The following TENM2 variants were observed in gnomAD, a reference collection of about 807,000 sequenced individuals.
The protein encoded by TENM2 is teneurin-2.
In TENM2, 52 loss-of-function variants were observed where a neutral mutation model predicts 245.2. That is an observed-to-expected ratio of 0.21 (90% CI 0.17 to 0.27). The LOEUF is 0.27. Among genes scored for constraint, TENM2 ranks in the 10% least tolerant of loss-of-function variants. The pLI is 1.00. For synonymous variants in TENM2, 1,363 were observed against 1,438.9 expected, an observed-to-expected ratio of 0.95 and a Z score of 1.19; for missense variants, 3,046 against 3,666.8, an observed-to-expected ratio of 0.83 and a Z score of 4.37.
At chr5:167,905,435 C>G (rs972880838) in intron 3 of TENM2, among the ~76,000 whole-genome samples, 1 of 152,132 alleles carries the variant, frequency 6.6e-6, no homozygotes, top group Non-Finnish European at 1.5e-5. Context: ...CATACCAGCT[C>G]GTAACAGTGG....
chr5:168,022,408 C>G, intron 5 of TENM2, among the ~76,000 whole-genome samples: 1 of 152,228 alleles, frequency 6.6e-6, no homozygotes, highest in East Asian at 1.9e-4. Flanking sequence ...TCAACGAGTG[C>G]CAAGCCCTAA....
chr5:168,155,034 C>CA (rs769125322), intron 12 of TENM2, among the ~76,000 whole-genome samples: 1 of 152,220 alleles, frequency 6.6e-6, no homozygotes, highest in Non-Finnish European at 1.5e-5. Context: ...CTCCCGCACA[C>CA]ACGGGCAAGC....
intron 2 of TENM2, among the ~76,000 whole-genome samples, chr5:167,655,412 T>C (rs529207422): frequency 1.9e-4 from 29 of 152,326 alleles, no homozygotes; most frequent in Middle Eastern, 3.4e-3. Flanking sequence ...GGCCACCTCT[T>C]GACCAAGGAA....
the TENM2 span, among the ~76,000 whole-genome samples, chr5:167,264,379 G>A: frequency 2.3e-3 from 352 of 152,186 alleles, no homozygotes; most frequent in African/African-American, 7.8e-3. Flanking sequence ...CTTATTTTTC[G>A]TAAATCCTGA....
At chr5:167,765,491 A>C (rs1762954797) in intron 2 of TENM2, among the ~76,000 whole-genome samples, 1 of 152,182 alleles carries the variant, frequency 6.6e-6, no homozygotes, top group Admixed American at 6.5e-5. Flanking sequence ...TTTGTGCCTA[A>C]GTGTTACATC....
At chr5:167,253,234 G>C in the TENM2 span, among the ~76,000 whole-genome samples, 1 of 148,992 alleles carries the variant, frequency 6.7e-6, no homozygotes, top group Admixed American at 6.7e-5. Context: ...GAGATCACAA[G>C]CATGAGCCAA....
rs549742072 is a variant in TENM2, at chr5:168,055,081, G to T, written c.1310-6979G>T. Among the ~76,000 whole-genome samples the T allele has an allele frequency of 2.0e-5, 3 of 152,230 alleles. No individual in the cohort carries two copies. The East Asian group carries it at 5.8e-4, about 29-fold the overall frequency. ...GCCTAGTCATTGCCTAGAACCCAAGGATACCAGTGAGATCCTCACAGAATG... is the reference window on the plus strand; with the variant it reads ...GCCTAGTCATTGCCTAGAACCCAAGTATACCAGTGAGATCCTCACAGAATG... On this transcript the variant is annotated intron_variant, in intron 6 of 28. Coordinates refer to ENST00000518659, the Ensembl canonical transcript of TENM2.
chr5:167,867,624 A>G (rs59846001), intron 2 of TENM2, among the ~76,000 whole-genome samples: 2,969 of 151,490 alleles, frequency 0.02, 106 homozygotes, highest in African/African-American at 0.069. Flanking sequence ...TAGGTCTTCC[A>G]CAGTAAAAAT....
At chr5:167,490,426 C>T (rs564556074) in intron 2 of TENM2, among the ~76,000 whole-genome samples, 118 of 152,042 alleles carry the variant, frequency 7.8e-4, no homozygotes, top group African/African-American at 2.8e-3. Flanking sequence ...TTTTGATTTG[C>T]CGTTTTTCTT....
At chr5:167,350,419 G>A (rs1323195338) in intron 1 of TENM2, among the ~76,000 whole-genome samples, 3 of 139,656 alleles carry the variant, frequency 2.1e-5, no homozygotes, top group Non-Finnish European at 4.5e-5. Context: ...ATATATGTGT[G>A]TGTGTGTGTG....
chr5:167,122,809 A>T, the TENM2 span, among the ~76,000 whole-genome samples: 5 of 152,158 alleles, frequency 3.3e-5, no homozygotes, highest in Admixed American at 2.0e-4. Context: ...TTCACATTAT[A>T]CAGGACTTCA....
At chr5:167,211,348 A>G in the TENM2 span, among the ~76,000 whole-genome samples, 1 of 152,230 alleles carries the variant, frequency 6.6e-6, no homozygotes, top group Non-Finnish European at 1.5e-5. Context: ...AACTCTGAGG[A>G]TAAGATGCTA....
At chr5:167,578,692 A>G (rs569618081) in intron 2 of TENM2, among the ~76,000 whole-genome samples, 15 of 152,294 alleles carry the variant, frequency 9.8e-5, no homozygotes, top group Admixed American at 4.6e-4. Context: ...AAAAACATAT[A>G]TACTTTATTT....
At chr5:167,080,067 A>G in the TENM2 span, among the ~76,000 whole-genome samples, 10 of 152,256 alleles carry the variant, frequency 6.6e-5, no homozygotes, top group Non-Finnish European at 1.0e-4. Flanking sequence ...AAAACTTGAA[A>G]TAAGTAAATG....
chr5:167,867,918 C>T (rs1253562513), intron 2 of TENM2, among the ~76,000 whole-genome samples: 2 of 152,180 alleles, frequency 1.3e-5, no homozygotes, highest in Non-Finnish European at 2.9e-5. Context: ...TTAAATTCCC[C>T]AATGGTAGGT....
At chr5:167,818,675 T>C (rs1379521697) in intron 2 of TENM2, among the ~76,000 whole-genome samples, 1 of 152,176 alleles carries the variant, frequency 6.6e-6, no homozygotes, top group Non-Finnish European at 1.5e-5. Context: ...GCTGAGACTT[T>C]TAGCCTGAGG....
At chr5:168,161,555 G>A (rs76028232) in intron 12 of TENM2, among the ~76,000 whole-genome samples, 1,683 of 152,228 alleles carry the variant, frequency 0.011, 26 homozygotes, top group African/African-American at 0.038. Flanking sequence ...AGGAATTCTT[G>A]CCAGCACGTA....
chr5:167,480,832 G>A (rs377220606), intron 2 of TENM2, among the ~76,000 whole-genome samples: 2 of 152,278 alleles, frequency 1.3e-5, no homozygotes, highest in African/African-American at 4.8e-5. Flanking sequence ...ATAAGATAGA[G>A]AGATGAAATT....
chr5:167,757,254 C>T (rs767320679), intron 2 of TENM2, among the ~76,000 whole-genome samples: 1 of 151,660 alleles, frequency 6.6e-6, no homozygotes, highest in Non-Finnish European at 1.5e-5. Flanking sequence ...CTCCCACCCC[C>T]CAACAGGCCC....
Sources: gnomAD v4.1 joint callset for allele counts (sites outside exome capture counted in the v4.1 genomes callset) on GRCh38, gnomAD v4.1.1 for gene constraint, MANE v1.5 for transcripts, NCBI Gene and HGNC (gene_info 2026-07-23, HGNC 2026-07-21) for gene names.